The following EYS variants were observed in gnomAD, a reference collection of about 807,000 sequenced individuals.
EYS encodes EGF-like photoreceptor maintenance factor.
In EYS, 250 loss-of-function variants were observed where a neutral mutation model predicts 282.1. That is an observed-to-expected ratio of 0.89 (90% confidence interval 0.80 to 0.98). The LOEUF (loss-of-function observed/expected upper bound fraction) is 0.98, where lower values mean the gene tolerates loss of function less well. EYS is among the 50% of genes least tolerant of loss of function. The pLI, the probability that EYS is intolerant of heterozygous loss-of-function variation, is 0.00. For synonymous variants in EYS, 1,355 were observed against 1,282.9 expected (o/e 1.06, Z -1.20); for missense variants, 4,016 against 3,709.0 (o/e 1.08, Z -2.15).
At chr6:64,048,182 C>T (rs145396114) in intron 33 of EYS, among the ~76,000 whole-genome samples, 2,616 of 152,120 alleles carry the variant, frequency 0.017, 86 homozygotes, top group African/African-American at 0.06. Flanking sequence ...CTGGGATTAC[C>T]GGTGTAAGCC....
At chr6:64,717,171 C>A (rs1239473105) in intron 22 of EYS, among the ~76,000 whole-genome samples, 1 of 152,190 alleles carries the variant, frequency 6.6e-6, no homozygotes, top group Middle Eastern at 3.4e-3. Context: ...AATGAGTGGA[C>A]CACATGTGGA....
intron 30 of EYS, among the ~76,000 whole-genome samples, chr6:64,241,214 T>C (rs1050891836): frequency 3.3e-5 from 5 of 152,152 alleles, no homozygotes; most frequent in African/African-American, 1.2e-4. Flanking sequence ...TCTTTTTTTG[T>C]GTGTTTCTTT....
At chr6:64,560,184 G>C (rs2083079700) in intron 26 of EYS, among the ~76,000 whole-genome samples, 1 of 151,530 alleles carries the variant, frequency 6.6e-6, no homozygotes, top group Non-Finnish European at 1.5e-5. Context: ...TTACATATAT[G>C]TTAAATTATA....
chr6:63,739,276 A>G (rs1275377535), intron 41 of EYS, among the ~76,000 whole-genome samples: 1 of 152,088 alleles, frequency 6.6e-6, no homozygotes, highest in Non-Finnish European at 1.5e-5. Context: ...GGTTTATTGG[A>G]GAGTGTGCTT....
intron 2 of EYS, among the ~76,000 whole-genome samples, chr6:65,568,623 T>C (rs969465722): frequency 2.0e-5 from 3 of 152,182 alleles, no homozygotes; most frequent in Non-Finnish European, 4.4e-5. Flanking sequence ...GACTTTTCAA[T>C]GACAAAATTA....
intron 1 of EYS, among the ~76,000 whole-genome samples, chr6:65,673,412 T>C (rs1462579568): frequency 6.6e-6 from 1 of 152,008 alleles, no homozygotes; most frequent in Non-Finnish European, 1.5e-5. Context: ...TGTGGTTTTG[T>C]ATGAACTGAG....
chr6:63,775,875 T>C (rs888156981), intron 40 of EYS, among the ~76,000 whole-genome samples: 5 of 152,320 alleles, frequency 3.3e-5, no homozygotes, highest in Middle Eastern at 6.8e-3. Flanking sequence ...TCACTTGTTT[T>C]AAGTTCAGGG....
intron 32 of EYS, among the ~76,000 whole-genome samples, chr6:64,067,915 T>C (rs1005655562): frequency 6.6e-6 from 1 of 152,126 alleles, no homozygotes; most frequent in Admixed American, 6.6e-5. Flanking sequence ...ATAGACATTT[T>C]CCCCCTAGGC....
intron 28 of EYS, among the ~76,000 whole-genome samples, chr6:64,408,399 A>C (rs1328056976): frequency 2.0e-5 from 3 of 152,130 alleles, no homozygotes. Context: ...GCCTAAGAAC[A>C]ACATGAAGGA....
intron 35 of EYS, among the ~76,000 whole-genome samples, chr6:63,966,956 G>A (rs988898769): frequency 1.3e-5 from 2 of 152,046 alleles, no homozygotes; most frequent in African/African-American, 2.4e-5. Context: ...TTTTATATAT[G>A]TATATATATT....
intron 22 of EYS, among the ~76,000 whole-genome samples, chr6:64,663,885 G>A (rs903609273): frequency 4.6e-5 from 7 of 152,148 alleles, no homozygotes; most frequent in African/African-American, 1.7e-4. Flanking sequence ...CCTGGGTCAC[G>A]GAAGAGAACC....
chr6:65,584,041 T>C (rs1764957105), intron 2 of EYS, among the ~76,000 whole-genome samples: 1 of 151,522 alleles, frequency 6.6e-6, no homozygotes, highest in African/African-American at 2.4e-5. Flanking sequence ...TAAGGGTGAA[T>C]AGGAAATATA....
chr6:63,990,040 G>A (rs977902808), intron 34 of EYS, among the ~76,000 whole-genome samples: 7 of 151,502 alleles, frequency 4.6e-5, no homozygotes, highest in African/African-American at 1.7e-4. Flanking sequence ...CTAAACTTTA[G>A]AGAAGCAATC....
intron 26 of EYS, among the ~76,000 whole-genome samples, chr6:64,581,194 AAG>A (rs910542043): frequency 2.0e-5 from 3 of 152,146 alleles, no homozygotes; most frequent in East Asian, 1.9e-4. Context: ...GGAAGAGAGA[AAG>A]AGAGTGATGG....
chr6:65,009,059 G>A (rs769277203), intron 13 of EYS, among the ~76,000 whole-genome samples: 23 of 152,252 alleles, frequency 1.5e-4, no homozygotes, highest in South Asian at 1.5e-3. Flanking sequence ...CATTATACAC[G>A]TGAACATAGG....
At chr6:64,477,558 G>T (rs758441141) in intron 26 of EYS, among the ~76,000 whole-genome samples, 2 of 152,026 alleles carry the variant, frequency 1.3e-5, no homozygotes, top group Non-Finnish European at 2.9e-5. Flanking sequence ...GCCCGTTGCT[G>T]ATCACCTCCT....
chr6:64,346,648 C>T (rs1204605623), intron 29 of EYS, among the ~76,000 whole-genome samples: 1 of 151,708 alleles, frequency 6.6e-6, no homozygotes, highest in African/African-American at 2.4e-5. Flanking sequence ...CACATGTATA[C>T]ATATGTAACA....
chr6:65,212,040 G>GA (rs947069903), intron 12 of EYS, among the ~76,000 whole-genome samples: 15 of 151,258 alleles, frequency 9.9e-5, no homozygotes, highest in Admixed American at 2.0e-4. Context: ...GTGAAGCAAG[G>GA]AAAACAAAAC....
intron 31 of EYS, among the ~76,000 whole-genome samples, chr6:64,156,486 G>T (rs1232770742): frequency 6.6e-6 from 1 of 152,174 alleles, no homozygotes; most frequent in Non-Finnish European, 1.5e-5. Flanking sequence ...AAAGATACCT[G>T]AAAATGTGGA....
Sources: gnomAD v4.1 joint callset for allele counts (sites outside exome capture counted in the v4.1 genomes callset) on GRCh38, gnomAD v4.1.1 for gene constraint, MANE v1.5 for transcripts, NCBI Gene and HGNC (gene_info 2026-07-23, HGNC 2026-07-21) for gene names.